Variants in LPGAT1 observed in about 807,000 individuals in gnomAD.
The protein encoded by LPGAT1 is lysophosphatidylglycerol acyltransferase 1.
Under a neutral mutation model 47.5 loss-of-function variants are expected in LPGAT1, and 11 were observed. The observed-to-expected ratio is 0.23, with a 90% CI of 0.15 to 0.38. The LOEUF (loss-of-function observed/expected upper bound fraction) is 0.38, where lower values mean the gene tolerates loss of function less well. Among genes scored for constraint, LPGAT1 ranks in the 10% least tolerant of loss-of-function variants. LPGAT1 has a pLI of 1.00. For synonymous variants in LPGAT1, 138 were observed against 144.2 expected (o/e 0.96, Z 0.31); for missense variants, 293 against 439.0 (o/e 0.67, Z 2.97).
At chr1:211,793,648 G>T (rs889933427) in intron 2 of LPGAT1, among the ~76,000 whole-genome samples, 1 of 152,060 alleles carries the variant, frequency 6.6e-6, no homozygotes. Flanking sequence ...GGCCAGGCTG[G>T]TCTCAAACTC....
chr1:211,798,966 T>G lies in LPGAT1; in HGVS notation c.239-5776A>C, dbSNP rs142929220. Among the ~76,000 whole-genome samples, 386 of 152,254 alleles carry G rather than the reference T, an allele frequency of 2.5e-3. 2 individuals carry two copies. The highest frequency in any genetic ancestry group is 4.2e-3 in the Admixed American group (64 of 15,290). On this transcript the variant is annotated intron_variant, in intron 2 of 7. Transcript: ENST00000366997. Reference sequence around the variant, plus strand: ...GAGAGGGAGGGAGGGCAATCATACATAGAGATGCTGATGCCACCCCCATCT... The same window carrying G: ...GAGAGGGAGGGAGGGCAATCATACAGAGAGATGCTGATGCCACCCCCATCT...
At chr1:211,755,707 A>T (rs1261635461) in intron 6 of LPGAT1, among the ~76,000 whole-genome samples, 1 of 152,048 alleles carries the variant, frequency 6.6e-6, no homozygotes, top group African/African-American at 2.4e-5. Flanking sequence ...AGAAAAAAAA[A>T]AAAAGAACTC....
intron 6 of LPGAT1, among the ~76,000 whole-genome samples, chr1:211,770,304 A>G (rs1176704135): frequency 6.6e-6 from 1 of 152,206 alleles, no homozygotes; most frequent in Non-Finnish European, 1.5e-5. Flanking sequence ...GTGTGTGTTA[A>G]TTTCCCTAAA....
chr1:211,765,094 G>A (rs952349446), intron 6 of LPGAT1, among the ~76,000 whole-genome samples: 5 of 152,176 alleles, frequency 3.3e-5, no homozygotes, highest in Admixed American at 2.6e-4. Context: ...TGAACTCTCC[G>A]GTAAGCAAAA....
In LPGAT1 at chr1:211,824,755, T is replaced by C. The variant is rs923375086; in HGVS notation, c.238+4304A>G. On this transcript the variant is annotated intron_variant, in intron 2 of 7. Transcript: ENST00000366997. The stretch of plus-strand genomic sequence containing the variant: ...AAAATGTTCATCTTCACATACTAAA[T>C]TGGTTTTACGGCTCAAAGGTTACAA... Among the ~76,000 whole-genome samples the C allele has an allele frequency of 1.5e-4, 23 of 152,366 alleles. 1 individual carries two copies. The highest frequency in any genetic ancestry group is 1.3e-4 in the Admixed American group (2 of 15,300).
chr1:211,780,559 G>A (rs773511058), intron 5 of LPGAT1, among the ~76,000 whole-genome samples: 7 of 152,174 alleles, frequency 4.6e-5, no homozygotes, highest in Non-Finnish European at 1.0e-4. Context: ...ACTTTTGTAT[G>A]TCAAATAATT....
intron 2 of LPGAT1, among the ~76,000 whole-genome samples, chr1:211,828,179 T>C (rs971647951): frequency 5.9e-5 from 9 of 152,210 alleles, no homozygotes; most frequent in Admixed American, 5.2e-4. Flanking sequence ...TCAAGGAGCC[T>C]GCCTATCAGG....
intron 6 of LPGAT1, among the ~76,000 whole-genome samples, chr1:211,775,979 A>T (rs1658382582): frequency 2.6e-5 from 4 of 151,030 alleles, no homozygotes; most frequent in African/African-American, 7.3e-5. Context: ...CTACCTATGA[A>T]TTTGTTTTGA....
chr1:211,770,005 C>T (rs1470026772), intron 6 of LPGAT1, among the ~76,000 whole-genome samples: 1 of 152,156 alleles, frequency 6.6e-6, no homozygotes, highest in Admixed American at 6.5e-5. Context: ...GACTATTAGA[C>T]ATACTAGTGA....
chr1:211,757,474 T>A (rs942598649), intron 6 of LPGAT1, among the ~76,000 whole-genome samples: 1 of 152,234 alleles, frequency 6.6e-6, no homozygotes, highest in South Asian at 2.1e-4. Flanking sequence ...CTCATACAAA[T>A]GCTAGTATTG....
intron 2 of LPGAT1, among the ~76,000 whole-genome samples, chr1:211,821,056 G>T (rs935559083): frequency 6.6e-6 from 1 of 152,226 alleles, no homozygotes; most frequent in South Asian, 2.1e-4. Context: ...TCAAAAAAAA[G>T]AAAGTGTGAG....
intron 3 of LPGAT1, among the ~76,000 whole-genome samples, chr1:211,789,354 GGT>G (rs1244801890): frequency 6.6e-6 from 1 of 152,080 alleles, no homozygotes; most frequent in Non-Finnish European, 1.5e-5. Flanking sequence ...TTTCATTCAT[GGT>G]GGATTTATCT....
intron 1 of LPGAT1, chr1:211,829,933 G>A (rs1660670520): frequency 2.0e-6 from 2 of 985,170 alleles, no homozygotes; most frequent in Non-Finnish European, 2.4e-6. Flanking sequence ...GAGGAAGAAA[G>A]TAGGGGGTTA....
chr1:211,800,706 C>T (rs945158582), intron 2 of LPGAT1, among the ~76,000 whole-genome samples: 3 of 152,198 alleles, frequency 2.0e-5, no homozygotes, highest in African/African-American at 7.2e-5. Context: ...TCCAAACATC[C>T]TGACTCCACC....
chr1:211,809,480 C>T (rs1019445169), intron 2 of LPGAT1, among the ~76,000 whole-genome samples: 3 of 152,120 alleles, frequency 2.0e-5, no homozygotes, highest in African/African-American at 7.2e-5. Flanking sequence ...TTAGCAGTAT[C>T]GGCCTTAGAT....
chr1:211,759,253 C>T (rs1432549214), intron 6 of LPGAT1, among the ~76,000 whole-genome samples: 4 of 151,898 alleles, frequency 2.6e-5, no homozygotes, highest in Admixed American at 2.6e-4. Flanking sequence ...TGTTTAATGT[C>T]CTTTTACTAT....
intron 6 of LPGAT1, among the ~76,000 whole-genome samples, chr1:211,771,006 A>G (rs1658143706): frequency 6.6e-6 from 1 of 151,822 alleles, no homozygotes; most frequent in Admixed American, 6.6e-5. Flanking sequence ...CTGAGGTGGG[A>G]GAATCACTTG....
In LPGAT1 at chr1:211,830,635, C is replaced by G. The variant is rs893483141; in HGVS notation, c.-90G>C. 2.5e-6 allele frequency: 3 copies of G among 1,204,800 alleles called. No homozygotes were observed. In the African/African-American group the frequency reaches 4.7e-5, roughly 19 times the overall value. 74.6% of individuals were successfully genotyped at this position (1,204,800 alleles called of 1,614,324 possible). Reference sequence around the variant, plus strand: ...CAGAGGAGCCGGAAGAATGCATGGCCGGCGGCGGGGCCGGCGGAAGAAGGC... The same window carrying G: ...CAGAGGAGCCGGAAGAATGCATGGCGGGCGGCGGGGCCGGCGGAAGAAGGC... On this transcript the variant is annotated 5_prime_UTR_variant, in exon 1 of 8. Transcript: ENST00000366997. This position sits in a 1 kb window ranked among gnomAD's most constrained non-coding sequence, Gnocchi z 5.9.
chr1:211,775,972 C>T (rs1658382006), intron 6 of LPGAT1, among the ~76,000 whole-genome samples: 1 of 150,246 alleles, frequency 6.7e-6, no homozygotes, highest in Non-Finnish European at 1.5e-5. Context: ...ATTACTACTA[C>T]CTATGAATTT....
Sources: gnomAD v4.1 joint callset for allele counts (sites outside exome capture counted in the v4.1 genomes callset) on GRCh38, gnomAD v4.1.1 for gene constraint, Gnocchi (gnomAD v3.1) non-coding constraint, MANE v1.5 for transcripts, NCBI Gene and HGNC (gene_info 2026-07-23, HGNC 2026-07-21) for gene names.